Variants in GPATCH2L observed in about 807,000 individuals in gnomAD.
The protein encoded by GPATCH2L is G patch domain-containing protein 2-like.
Under a neutral mutation model 57.4 loss-of-function variants are expected in GPATCH2L, and 31 were observed. The observed-to-expected ratio is 0.54, with a 90% CI of 0.41 to 0.73. The LOEUF (loss-of-function observed/expected upper bound fraction) is 0.73, where lower values mean the gene tolerates loss of function less well. Ranked by LOEUF, GPATCH2L falls within the 30% of genes least tolerant of loss-of-function variation. GPATCH2L has a pLI of 0.00. For missense variants in GPATCH2L, 481 were observed against 599.9 expected, an observed-to-expected ratio of 0.80 and a Z score of 2.07; for synonymous variants, 199 against 210.7, an observed-to-expected ratio of 0.94 and a Z score of 0.48.
rs144522672 is a variant in GPATCH2L at position 76,177,732 on chromosome 14, A to C, written c.1053-256A>C. Among the ~76,000 whole-genome samples, 487 of 141,766 alleles carry C rather than the reference A, an allele frequency of 3.4e-3. 7 individuals carry two copies. Among genetic ancestry groups the C allele is most frequent in the African/African-American group, 0.013 (474 of 36,828 alleles). The allele number at this position is 141,766 out of a possible 152,430, so 93.0% of individuals were successfully genotyped here. On this transcript the variant is annotated intron_variant, in intron 6 of 9. Coordinates refer to ENST00000261530, the MANE Select transcript of GPATCH2L (RefSeq NM_017926.4). ...GTTTTTGTTTTTGCAAAACATTCAC[A>C]TACATTTAATCTCTTTCTCCTCCTC...
chr14:76,183,585 T>C (rs562546646), intron 8 of GPATCH2L, among the ~76,000 whole-genome samples: 1 of 152,338 alleles, frequency 6.6e-6, no homozygotes, highest in East Asian at 1.9e-4. Context: ...TTTTTACTCA[T>C]GAGGGTGCAC....
At chr14:76,180,612 T>C in intron 7 of GPATCH2L, 152 bp from the exon 8 acceptor site, 1 of 626,038 alleles carries the variant, frequency 1.6e-6, no homozygotes, top group Non-Finnish European at 2.9e-6. Context: ...AGGCAAACTA[T>C]GAAATATGTG....
chr14:76,193,962 G>T (rs964995750), intron 8 of GPATCH2L, among the ~76,000 whole-genome samples: 5 of 152,126 alleles, frequency 3.3e-5, no homozygotes, highest in African/African-American at 4.8e-5. Flanking sequence ...TCTTATGTTT[G>T]TGGAAAAGAT....
In GPATCH2L at chr14:76,207,709, A is replaced by G. The variant is rs935174749; in HGVS notation, c.*5858A>G. 3.3e-5 allele frequency: 5 copies of G among 152,158 alleles called. No individual in the cohort carries two copies. In the East Asian group the frequency reaches 5.8e-4, roughly 18 times the overall value. 9.4% of individuals were successfully genotyped at this position (152,158 alleles called of 1,614,324 possible). ...TTCTTTTTTTAGATTTCAGCTAGCAATTTTGCAGGGGTTGGAGACCAATAG... is the reference window on the plus strand; with the variant it reads ...TTCTTTTTTTAGATTTCAGCTAGCAGTTTTGCAGGGGTTGGAGACCAATAG... On this transcript the variant is annotated 3_prime_UTR_variant, in exon 10 of 10. Transcript: ENST00000261530.
rs1164167107 is a variant in GPATCH2L at position 76,204,122 on chromosome 14, A to G, written c.*2271A>G. The G allele has an allele frequency of 1.3e-5, 2 of 152,252 alleles. No homozygotes were observed. Among genetic ancestry groups the G allele is most frequent in the Admixed American group, 1.3e-4 (2 of 15,280 alleles). The allele number at this position is 152,252 out of a possible 1,614,324, so 9.4% of individuals were successfully genotyped here. ...AGTTGAGTGACTTGCTCCAAATCAC[A>G]TAACTAAGCCAGGACTAGAATCCCA... On this transcript the variant is annotated 3_prime_UTR_variant, in exon 10 of 10. Coordinates refer to ENST00000261530, the MANE Select transcript of GPATCH2L (RefSeq NM_017926.4).
At chr14:76,217,574 A>G (rs2040495343), downstream of GPATCH2L, among the ~76,000 whole-genome samples, 2 of 147,840 alleles carry the variant, frequency 1.4e-5, no homozygotes, top group Non-Finnish European at 3.0e-5. Flanking sequence ...AGATGCAATA[A>G]GAGGAGATAT....
In GPATCH2L at chr14:76,208,522, C is replaced by T. The variant is rs1018468568; in HGVS notation, c.*6671C>T. The T allele has an allele frequency of 6.6e-6, 1 of 152,452 alleles. No homozygotes were observed. The highest frequency in any genetic ancestry group is 2.4e-5 in the African/African-American group (1 of 41,378). 9.4% of individuals were successfully genotyped at this position (152,452 alleles called of 1,614,324 possible). On this transcript the variant is annotated 3_prime_UTR_variant, in exon 10 of 10. Transcript: ENST00000261530. ...AATCTTAGCAGTTAATCTCAGCCCTCCCCCACCACATAACAGCCTCGGGCA... is the reference window on the plus strand; with the variant it reads ...AATCTTAGCAGTTAATCTCAGCCCTTCCCCACCACATAACAGCCTCGGGCA...
At chr14:76,193,116 G>A (rs181165992) in intron 8 of GPATCH2L, among the ~76,000 whole-genome samples, 5 of 152,210 alleles carry the variant, frequency 3.3e-5, no homozygotes, top group African/African-American at 1.2e-4. Context: ...ACCTGTGTGC[G>A]TAATAATAGG....
chr14:76,219,884 A>G (rs79358613), intron 1 of GPATCH2L, among the ~76,000 whole-genome samples: 2,690 of 152,284 alleles, frequency 0.018, 60 homozygotes, highest in East Asian at 0.13. Flanking sequence ...GTTTTGTTTG[A>G]TTGGCCTTGC....
intron 2 of GPATCH2L, among the ~76,000 whole-genome samples, chr14:76,233,282 C>T (rs979797389): frequency 3.9e-5 from 6 of 152,218 alleles, no homozygotes; most frequent in South Asian, 2.1e-4. Flanking sequence ...TCCACCCCCA[C>T]GCAGCAGGTA....
chr14:76,197,742 T>C (rs2040200183), intron 9 of GPATCH2L, among the ~76,000 whole-genome samples: 1 of 152,170 alleles, frequency 6.6e-6, no homozygotes, highest in African/African-American at 2.4e-5. Context: ...CTCCTAGCAC[T>C]AAATCACGCT....
intron 8 of GPATCH2L, among the ~76,000 whole-genome samples, chr14:76,187,686 G>T (rs1012462488): frequency 7.9e-5 from 12 of 152,002 alleles, no homozygotes; most frequent in Non-Finnish European, 1.8e-4. Flanking sequence ...GGAGAATGGG[G>T]TATCCATCCC....
chr14:76,188,044 G>A (rs2039834307), intron 8 of GPATCH2L, among the ~76,000 whole-genome samples: 1 of 152,052 alleles, frequency 6.6e-6, no homozygotes, highest in African/African-American at 2.4e-5. Context: ...GCAAATAACA[G>A]GATCTCATTC....
At chr14:76,224,942 C>A (rs1291337374) in intron 1 of GPATCH2L, among the ~76,000 whole-genome samples, 1 of 152,062 alleles carries the variant, frequency 6.6e-6, no homozygotes, top group African/African-American at 2.4e-5. Context: ...GAGAAAAAAT[C>A]TTTACATGGA....
intron 7 of GPATCH2L, 145 bp from the exon 8 acceptor site, chr14:76,180,619 T>C (rs1375713411): frequency 4.7e-6 from 3 of 639,106 alleles, no homozygotes; most frequent in South Asian, 3.8e-5. Context: ...CTATGAAATA[T>C]GTGTGACTTT....
intron 4 of GPATCH2L, among the ~76,000 whole-genome samples, chr14:76,172,770 G>T (rs2039145035): frequency 6.6e-6 from 1 of 152,174 alleles, no homozygotes; most frequent in Non-Finnish European, 1.5e-5. Flanking sequence ...TTGAACATCT[G>T]TGGGTGATCA....
intron 5 of GPATCH2L, chr14:76,174,936 C>G (rs1454204164): frequency 6.6e-6 from 1 of 152,140 alleles, no homozygotes; most frequent in Non-Finnish European, 1.5e-5. Context: ...TGCCCGGCCT[C>G]AAGTTCAAAT....
intron 8 of GPATCH2L, among the ~76,000 whole-genome samples, chr14:76,181,123 AAAC>A (rs1280311191): frequency 3.3e-5 from 5 of 152,128 alleles, no homozygotes; most frequent in African/African-American, 9.7e-5. Context: ...CCCCATCTTC[AAAC>A]AACATTATTA....
At position 76,213,638 on chromosome 14, in the gene GPATCH2L, G is replaced by A. The variant is rs934396019; in HGVS notation, c.*11787G>A. ...TTATTCCCTCTGGTGTTCCATGTTAGCCTGACACAGAGCCCCCTCTTCACA... is the reference window on the plus strand; with the variant it reads ...TTATTCCCTCTGGTGTTCCATGTTAACCTGACACAGAGCCCCCTCTTCACA... On this transcript the variant is annotated 3_prime_UTR_variant, in exon 10 of 10. Coordinates refer to ENST00000261530, the MANE Select transcript of GPATCH2L (RefSeq NM_017926.4). 1 of 152,096 alleles carries A rather than the reference G, an allele frequency of 6.6e-6. No individual in the cohort carries two copies. The highest frequency in any genetic ancestry group is 2.1e-4 in the South Asian group (1 of 4,830). The allele number at this position is 152,096 out of a possible 1,614,324, so 9.4% of individuals were successfully genotyped here.
Sources: gnomAD v4.1 joint callset for allele counts (sites outside exome capture counted in the v4.1 genomes callset) on GRCh38, gnomAD v4.1.1 for gene constraint, MANE v1.5 for transcripts, NCBI Gene and HGNC (gene_info 2026-07-23, HGNC 2026-07-21) for gene names.